The following ANKRD30A variants were observed in gnomAD, a reference collection of about 807,000 sequenced individuals.
ANKRD30A encodes the protein ankyrin repeat domain 30A, also known as ankyrin repeat domain-containing protein 30A.
In ANKRD30A, 170 loss-of-function variants were observed where a neutral mutation model predicts 166.3. The ratio of observed to expected loss-of-function variants is 1.02; its 90% CI spans 0.90 to 1.16. The LOEUF (loss-of-function observed/expected upper bound fraction) is 1.16. Among genes scored for constraint, ANKRD30A ranks in the 50% most tolerant of loss-of-function variants. The pLI is 0.00. For missense variants in ANKRD30A, 1,630 were observed against 1,518.0 expected (o/e 1.07, Z -1.23); for synonymous variants, 564 against 508.9 (o/e 1.11, Z -1.46).
rs373549644 is a variant in ANKRD30A at position 37,129,889 on chromosome 10, G to A, written c.222-4G>A. The A allele has an allele frequency of 3.5e-5, 52 of 1,475,030 alleles. No individual in the cohort carries two copies. The East Asian group carries it at 8.3e-4, about 24-fold the overall frequency. 91.4% of individuals were successfully genotyped at this position (1,475,030 alleles called of 1,614,324 possible). A position where few individuals can be genotyped will look rare whatever the true frequency, so the allele number is the denominator to read the frequency against. On this transcript the variant is annotated splice_region_variant and splice_polypyrimidine_tract_variant and intron_variant, in intron 1 of 35. Transcript: ENST00000361713. ...TTTGCCAAAAAGTCCTCTCACTCTC[G>A]TAGGACTGCTCTACACTGGGCCTGT...
chr10:37,257,000 C>T, the ANKRD30A span, among the ~76,000 whole-genome samples: 2 of 152,036 alleles, frequency 1.3e-5, no homozygotes, highest in South Asian at 4.2e-4. Context: ...TGGTAGAGAT[C>T]GGCTATGAAT....
At chr10:37,243,177 C>A in the ANKRD30A span, among the ~76,000 whole-genome samples, 2 of 150,876 alleles carry the variant, frequency 1.3e-5, no homozygotes, top group African/African-American at 4.9e-5. Context: ...CTCTGTCGCC[C>A]AGGCTGGAGT....
chr10:37,224,901 T>C (rs1843072544), intron 34 of ANKRD30A, among the ~76,000 whole-genome samples: 1 of 151,668 alleles, frequency 6.6e-6, no homozygotes, highest in Admixed American at 6.6e-5. Context: ...TGATAATTTA[T>C]GTGTGTGTGT....
Position 37,153,794 on chromosome 10 carries a change from G to T in ANKRD30A, c.1798+132G>T, listed in dbSNP as rs922638937. 6.8e-5 allele frequency: 86 copies of T among 1,274,058 alleles called. No individual in the cohort carries two copies. In the African/African-American group the frequency reaches 1.2e-3, roughly 17 times the overall value. The allele number at this position is 1,274,058 out of a possible 1,614,324, so 78.9% of individuals were successfully genotyped here. ...CATGGAAAAAAAGAGAAGTGCAATG[G>T]TCGTAAGTTGTATGTCTCATCAGGT... is the stretch of plus-strand genomic sequence containing the variant. On this transcript the variant is annotated intron_variant, in intron 13 of 35. Coordinates refer to ENST00000361713, the MANE Select transcript of ANKRD30A (RefSeq NM_052997.3).
At position 37,129,996 on chromosome 10, in the gene ANKRD30A, C is replaced by T. The variant is rs1453793547; in HGVS notation, c.325C>T (p.Pro109Ser). Reference protein sequence around the residue: ...LDVLDGEHRTPLMKALQCHQE... With the variant: ...LDVLDGEHRTSLMKALQCHQE... ...CGTCCTTGATGGCGAACACAGGACACCTCTGATGAAGGTAAATAGTAGCCA... is the reference window on the plus strand; with the variant it reads ...CGTCCTTGATGGCGAACACAGGACATCTCTGATGAAGGTAAATAGTAGCCA... Residue 109 changes from proline (P) to serine (S), a missense_variant, in exon 2 of 36, where the codon CCT (proline) becomes TCT (serine). This residue lies in a region of ANKRD30A where 904 missense variants were observed against 818.5 expected (regional missense o/e 1.10). Coordinates refer to ENST00000361713, the MANE Select transcript of ANKRD30A (RefSeq NM_052997.3). 6.5e-7 allele frequency: 1 copy of T among 1,538,612 alleles called. No individual in the cohort carries two copies. The highest frequency in any genetic ancestry group is 1.7e-4 in the Middle Eastern group (1 of 5,784).
At chr10:37,243,161 G>A in the ANKRD30A span, among the ~76,000 whole-genome samples, 1 of 143,858 alleles carries the variant, frequency 7.0e-6, no homozygotes, top group African/African-American at 2.6e-5. Flanking sequence ...TTGAGACGGA[G>A]TCTCGCTCTG....
chr10:37,247,715 CAAAAA>C, the ANKRD30A span, among the ~76,000 whole-genome samples: 1 of 133,472 alleles, frequency 7.5e-6, no homozygotes, highest in African/African-American at 2.8e-5. Context: ...ACTAAAAATA[CAAAAA>C]AAAAAAAAAA....
the ANKRD30A span, among the ~76,000 whole-genome samples, chr10:37,262,806 T>A: frequency 6.6e-6 from 1 of 152,088 alleles, no homozygotes; most frequent in Non-Finnish European, 1.5e-5. Flanking sequence ...AAAAAGCATA[T>A]ACATACACAA....
At chr10:37,226,706 T>C (rs961630965) in intron 34 of ANKRD30A, among the ~76,000 whole-genome samples, 5 of 151,914 alleles carry the variant, frequency 3.3e-5, no homozygotes, top group Non-Finnish European at 7.4e-5. Context: ...CTTGGGTGTA[T>C]ACTTATGAGT....
chr10:37,135,607 TC>T (rs1836633571), intron 5 of ANKRD30A, among the ~76,000 whole-genome samples: 3 of 152,166 alleles, frequency 2.0e-5, no homozygotes, highest in Admixed American at 2.0e-4. Context: ...GGTTTTGTCT[TC>T]CACAGCAGCT....
chr10:37,145,203 A>C, intron 8 of ANKRD30A, 147 bp downstream of exon 8: 1 of 498,138 alleles, frequency 2.0e-6, no homozygotes, highest in East Asian at 3.6e-5. Context: ...TTGGCTGGGC[A>C]CGGTGACTCA....
intron 25 of ANKRD30A, among the ~76,000 whole-genome samples, chr10:37,192,544 A>T (rs549862759): frequency 1.3e-5 from 2 of 152,084 alleles, no homozygotes; most frequent in African/African-American, 4.8e-5. Context: ...TGATAAGTAC[A>T]TTTGTACCTT....
intron 34 of ANKRD30A, 99 bp from the exon 35 acceptor site, chr10:37,231,362 T>C (rs1001135545): frequency 7.3e-6 from 7 of 963,506 alleles, no homozygotes; most frequent in Admixed American, 2.6e-5. Context: ...GAAATGTTAT[T>C]TATTCTTATA....
At chr10:37,200,706 T>C (rs1485925038) in intron 30 of ANKRD30A, among the ~76,000 whole-genome samples, 1 of 152,152 alleles carries the variant, frequency 6.6e-6, no homozygotes, top group Non-Finnish European at 1.5e-5. Context: ...TTGCTGATTT[T>C]AAGCCCTTGT....
At position 37,193,113 on chromosome 10, in the gene ANKRD30A, A is replaced by G. The variant is rs773164174; in HGVS notation, c.2541+21A>G. ...TGAAGGTAATAACTTTTATATTTTT[A>G]TCTTGAGTATTAACTACATATTTTA... is the stretch of plus-strand genomic sequence containing the variant. On this transcript the variant is annotated intron_variant, in intron 26 of 35. Coordinates refer to ENST00000361713, the MANE Select transcript of ANKRD30A (RefSeq NM_052997.3). 25 of 1,604,846 alleles carry G rather than the reference A, an allele frequency of 1.6e-5. 1 individual carries two copies. The highest frequency in any genetic ancestry group is 2.7e-5 in the African/African-American group (2 of 74,432).
At chr10:37,158,477 A>G (rs1431392991) in intron 14 of ANKRD30A, 37 bp from the exon 15 acceptor site, 1 of 1,613,276 alleles carries the variant, frequency 6.2e-7, no homozygotes, top group South Asian at 1.1e-5. Flanking sequence ...TGAAGTATAC[A>G]TTGTATATTA....
chr10:37,160,845 G>T (rs2132590306), intron 15 of ANKRD30A, among the ~76,000 whole-genome samples: 1 of 152,258 alleles, frequency 6.6e-6, no homozygotes, highest in East Asian at 1.9e-4. Flanking sequence ...TTGATGCCTT[G>T]AGAATAAAGC....
intron 7 of ANKRD30A, among the ~76,000 whole-genome samples, 155 bp downstream of exon 7, chr10:37,142,445 T>C (rs1034893351): frequency 1.3e-5 from 2 of 152,124 alleles, no homozygotes; most frequent in African/African-American, 4.8e-5. Context: ...GTAGCTCTTA[T>C]TCTGTAGGTC....
the ANKRD30A span, among the ~76,000 whole-genome samples, chr10:37,253,279 C>A: frequency 5.3e-5 from 8 of 152,254 alleles, no homozygotes; most frequent in East Asian, 1.5e-3. Flanking sequence ...TAGCCACTAG[C>A]CACATGTGGC....
Sources: gnomAD v4.1 joint callset for allele counts (sites outside exome capture counted in the v4.1 genomes callset) on GRCh38, gnomAD v4.1.1 for gene constraint, gnomAD v4.1.1 regional missense constraint, MANE v1.5 for transcripts, NCBI Gene and HGNC (gene_info 2026-07-23, HGNC 2026-07-21) for gene names.